Variants in APBB2 observed in about 807,000 individuals in gnomAD.
APBB2 encodes the protein amyloid beta precursor protein binding family B member 2.
Under a neutral mutation model 82.5 loss-of-function variants are expected in APBB2, and 38 were observed. That is an observed-to-expected ratio of 0.46 (90% CI 0.36 to 0.60). The LOEUF (loss-of-function observed/expected upper bound fraction) is 0.60. Ranked by LOEUF, APBB2 falls within the 20% of genes least tolerant of loss-of-function variation. The pLI, the probability that APBB2 is intolerant of heterozygous loss-of-function variation, is 0.00. For missense variants in APBB2, 772 were observed against 972.3 expected (o/e 0.79, Z 2.74); for synonymous variants, 341 against 368.2 (o/e 0.93, Z 0.85).
chr4:40,895,352 A>T (rs528886046), intron 10 of APBB2, among the ~76,000 whole-genome samples: 1 of 152,366 alleles, frequency 6.6e-6, no homozygotes, highest in South Asian at 2.1e-4. Flanking sequence ...TCCCCGTGAC[A>T]ATCACAGAAG....
intron 2 of APBB2, among the ~76,000 whole-genome samples, chr4:41,128,546 T>C (rs1191126142): frequency 1.3e-5 from 2 of 152,258 alleles, no homozygotes; most frequent in African/African-American, 4.8e-5. Flanking sequence ...ATCACTTTAA[T>C]CTCATTTTAA....
chr4:40,816,806 AATGCCTGAAAT>A (rs1337577095), intron 17 of APBB2, among the ~76,000 whole-genome samples: 19 of 152,332 alleles, frequency 1.2e-4, no homozygotes, highest in African/African-American at 4.6e-4. Flanking sequence ...ATGCTTGTGG[AATGCCTGAAAT>A]AGGCCTAGCA....
Position 40,969,912 on chromosome 4 carries a change from T to C in APBB2, c.836-24839A>G, listed in dbSNP as rs116835623. On this transcript the variant is annotated intron_variant, in intron 6 of 17. Coordinates refer to ENST00000508593, the MANE Select transcript of APBB2 (RefSeq NM_004307.2). ...TTCAATCAATAAAATTGTGCTTGCA[T>C]CTATATTCTTCACATATAATGATAA... 6.4e-3 allele frequency among the ~76,000 whole-genome samples: 974 copies of C among 152,354 alleles called. 15 individuals are homozygous for C. Among genetic ancestry groups the C allele is most frequent in the African/African-American group, 0.022 (902 of 41,584 alleles).
intron 10 of APBB2, among the ~76,000 whole-genome samples, chr4:40,899,863 C>A (rs1014437679): frequency 6.6e-6 from 1 of 152,114 alleles, no homozygotes; most frequent in Non-Finnish European, 1.5e-5. Flanking sequence ...AGGGGTGAGA[C>A]CAGGGGCCAG....
chr4:41,129,987 T>G (rs1296828106), intron 2 of APBB2, among the ~76,000 whole-genome samples: 4 of 152,002 alleles, frequency 2.6e-5, no homozygotes, highest in Admixed American at 6.6e-5. Flanking sequence ...AAAACATCGA[T>G]CAGGGTAGGT....
chr4:41,027,546 G>T (rs868849684), intron 5 of APBB2, among the ~76,000 whole-genome samples: 2 of 151,754 alleles, frequency 1.3e-5, no homozygotes, highest in East Asian at 3.9e-4. Flanking sequence ...ATCCTAGTTG[G>T]TGTGAAATGG....
chr4:40,898,880 C>CACACACAGAG (rs148917018), intron 10 of APBB2, among the ~76,000 whole-genome samples: 7 of 149,530 alleles, frequency 4.7e-5, no homozygotes, highest in African/African-American at 7.4e-5. Context: ...CACACACACA[C>CACACACAGAG]AGAACACTGG....
chr4:40,897,735 T>A (rs974727838), intron 10 of APBB2, among the ~76,000 whole-genome samples: 1 of 152,102 alleles, frequency 6.6e-6, no homozygotes, highest in Non-Finnish European at 1.5e-5. Context: ...CTTGGCTTCT[T>A]CCCAAAGAAG....
intron 2 of APBB2, among the ~76,000 whole-genome samples, chr4:41,140,505 CA>C: frequency 6.6e-6 from 1 of 152,282 alleles, no homozygotes. Context: ...TCTCTGTTCC[CA>C]CAAAACTTTG....
chr4:41,096,400 C>A lies in APBB2; in HGVS notation c.-149+4239G>T, dbSNP rs533741454. ...AGTGCTTAACGGTATGGCTTCCAAA[C>A]TTACTTGGGCGACAGAGTCACTCTA... is the stretch of plus-strand genomic sequence containing the variant. On this transcript the variant is annotated intron_variant, in intron 3 of 17. Coordinates refer to ENST00000508593, the MANE Select transcript of APBB2 (RefSeq NM_004307.2). Among the ~76,000 whole-genome samples the A allele has an allele frequency of 9.2e-5, 14 of 152,290 alleles. No homozygotes were observed. The East Asian group carries it at 2.3e-3, about 25-fold the overall frequency.
At chr4:40,977,443 G>C (rs1432198295) in intron 6 of APBB2, among the ~76,000 whole-genome samples, 1 of 151,702 alleles carries the variant, frequency 6.6e-6, no homozygotes, top group African/African-American at 2.4e-5. Flanking sequence ...CTCCCAAGTA[G>C]CTGGGATTAC....
chr4:40,891,896 A>C (rs901479680), intron 11 of APBB2, among the ~76,000 whole-genome samples: 1 of 152,098 alleles, frequency 6.6e-6, no homozygotes, highest in African/African-American at 2.4e-5. Context: ...TTTTGACTGA[A>C]GGAGAGAGAA....
chr4:41,159,896 A>AG (rs2080093695), intron 1 of APBB2, among the ~76,000 whole-genome samples: 1 of 85,726 alleles, frequency 1.2e-5, no homozygotes, highest in African/African-American at 5.7e-5. Context: ...AAAAAAAGGA[A>AG]GAAGAAGGAG....
intron 2 of APBB2, among the ~76,000 whole-genome samples, chr4:41,117,432 ACAGGTGCCCAC>A (rs901449295): frequency 6.6e-6 from 1 of 151,724 alleles, no homozygotes; most frequent in African/African-American, 2.4e-5. Flanking sequence ...AGCTGGGATT[ACAGGTGCCCAC>A]CACCACGCCC....
At chr4:41,035,288 T>C (rs771514986) in intron 4 of APBB2, among the ~76,000 whole-genome samples, 5 of 152,240 alleles carry the variant, frequency 3.3e-5, no homozygotes, top group Non-Finnish European at 5.9e-5. Flanking sequence ...ATGATTCTGA[T>C]AATGACCTGA....
chr4:41,096,410 C>T (rs756776501), intron 3 of APBB2, among the ~76,000 whole-genome samples: 1 of 152,184 alleles, frequency 6.6e-6, no homozygotes, highest in Non-Finnish European at 1.5e-5. Context: ...CTTACTTGGG[C>T]GACAGAGTCA....
chr4:40,849,003 A>G (rs769316389), intron 12 of APBB2: 198 of 551,962 alleles, frequency 3.6e-4, no homozygotes, highest in Non-Finnish European at 4.0e-4. Flanking sequence ...TGTCTGGCAC[A>G]TAGTAGGCAA....
intron 12 of APBB2, among the ~76,000 whole-genome samples, chr4:40,873,480 A>G (rs1159609279): frequency 2.6e-5 from 4 of 152,254 alleles, no homozygotes; most frequent in Non-Finnish European, 4.4e-5. Context: ...AACGCTGTAC[A>G]GAGATGAATC....
intron 10 of APBB2, among the ~76,000 whole-genome samples, chr4:40,896,988 G>A (rs955002164): frequency 2.0e-5 from 3 of 152,250 alleles, no homozygotes; most frequent in African/African-American, 7.2e-5. Flanking sequence ...TCAGAAATGC[G>A]TTTTCCCACT....
Sources: allele counts gnomAD v4.1 joint callset (sites outside exome capture counted in the v4.1 genomes callset), GRCh38; gene constraint gnomAD v4.1.1; transcripts MANE v1.5; gene names NCBI Gene and HGNC (gene_info 2026-07-23, HGNC 2026-07-21).